The following KCNMB2 variants were observed in gnomAD, a reference collection of about 807,000 sequenced individuals.
The protein encoded by KCNMB2 is calcium-activated potassium channel subunit beta-2.
A neutral mutation model predicts 24.5 loss-of-function variants in KCNMB2; 9 were observed. The observed-to-expected ratio is 0.37, with a 90% CI of 0.22 to 0.64. KCNMB2 has a LOEUF of 0.64. Among genes scored for constraint, KCNMB2 ranks in the 30% least tolerant of loss-of-function variants. The pLI is 0.63. For synonymous variants in KCNMB2, 109 were observed against 104.4 expected (o/e 1.04, Z -0.27); for missense variants, 226 against 284.3 (o/e 0.79, Z 1.47).
At chr3:178,648,332 G>A (rs1719992510) in intron 1 of KCNMB2, among the ~76,000 whole-genome samples, 1 of 152,166 alleles carries the variant, frequency 6.6e-6, no homozygotes, top group Non-Finnish European at 1.5e-5. Flanking sequence ...GAGGCCAGTA[G>A]TTCAAGACCA....
At chr3:178,633,317 G>A (rs1028449143) in intron 1 of KCNMB2, among the ~76,000 whole-genome samples, 1 of 152,170 alleles carries the variant, frequency 6.6e-6, no homozygotes, top group Non-Finnish European at 1.5e-5. Context: ...TGCCCTCACG[G>A]AGGTTCTCCA....
intron 1 of KCNMB2, among the ~76,000 whole-genome samples, chr3:178,570,996 GA>G (rs1716758577): frequency 6.6e-6 from 1 of 152,178 alleles, no homozygotes; most frequent in Non-Finnish European, 1.5e-5. Context: ...GTTTTCCCAA[GA>G]AAGCAAGGCT....
chr3:178,819,391 C>T (rs1260005650), intron 2 of KCNMB2, among the ~76,000 whole-genome samples: 1 of 152,136 alleles, frequency 6.6e-6, no homozygotes, highest in Non-Finnish European at 1.5e-5. Flanking sequence ...TTCAGACTCA[C>T]TCCACTCCGT....
At chr3:178,543,590 ACT>A (rs1347431842) in intron 1 of KCNMB2, among the ~76,000 whole-genome samples, 1 of 152,124 alleles carries the variant, frequency 6.6e-6, no homozygotes, top group African/African-American at 2.4e-5. Context: ...CTATTGGGAA[ACT>A]CTCAAATCCT....
chr3:178,588,342 G>A (rs1475257417), intron 1 of KCNMB2, among the ~76,000 whole-genome samples: 1 of 152,146 alleles, frequency 6.6e-6, no homozygotes, highest in Non-Finnish European at 1.5e-5. Context: ...CATTCAACTA[G>A]TGGGAGATTA....
At chr3:178,694,379 A>G (rs934043434) in intron 1 of KCNMB2, among the ~76,000 whole-genome samples, 9 of 152,266 alleles carry the variant, frequency 5.9e-5, no homozygotes, top group Middle Eastern at 3.4e-3. Flanking sequence ...TCCTCTCCCA[A>G]TTCTCCTGTC....
At chr3:178,605,886 T>C (rs926181931) in intron 1 of KCNMB2, among the ~76,000 whole-genome samples, 2 of 152,138 alleles carry the variant, frequency 1.3e-5, no homozygotes, top group Non-Finnish European at 2.9e-5. Flanking sequence ...GACATAACAA[T>C]AGAATTGTTA....
intron 1 of KCNMB2, among the ~76,000 whole-genome samples, chr3:178,784,874 T>TAAA (rs67483966): frequency 2.4e-4 from 29 of 121,364 alleles, no homozygotes; most frequent in Non-Finnish European, 3.3e-4. Flanking sequence ...CCTGAAGCCT[T>TAAA]AAAAAAAAAA....
intron 1 of KCNMB2, among the ~76,000 whole-genome samples, chr3:178,712,397 TGGGGTTACG>T (rs1559984990): frequency 6.6e-6 from 1 of 152,148 alleles, no homozygotes; most frequent in Non-Finnish European, 1.5e-5. Context: ...TGAATAAGTG[TGGGGTTACG>T]TTGACTCGAC....
intron 1 of KCNMB2, among the ~76,000 whole-genome samples, chr3:178,638,867 C>A (rs1424807733): frequency 1.3e-5 from 2 of 152,148 alleles, no homozygotes; most frequent in Admixed American, 6.6e-5. Context: ...ATTAGTCAAT[C>A]ATTTCCTTAT....
intron 1 of KCNMB2, among the ~76,000 whole-genome samples, chr3:178,635,761 C>G (rs1184125661): frequency 6.6e-6 from 1 of 152,156 alleles, no homozygotes; most frequent in African/African-American, 2.4e-5. Flanking sequence ...TATATGGTGA[C>G]ATTTAAGAAT....
At chr3:178,591,736 T>G (rs975044529) in intron 1 of KCNMB2, among the ~76,000 whole-genome samples, 1 of 152,114 alleles carries the variant, frequency 6.6e-6, no homozygotes, top group African/African-American at 2.4e-5. Context: ...ACTTGAAGAC[T>G]CCAGCCCTTC....
intron 1 of KCNMB2, among the ~76,000 whole-genome samples, chr3:178,608,942 G>A (rs6780196): frequency 0.37 from 56,363 of 152,022 alleles, 13,430 homozygotes; most frequent in African/African-American, 0.68. Context: ...ACCATGCTGC[G>A]ACAAACACAG....
At chr3:178,721,513 G>T (rs1390561003) in intron 1 of KCNMB2, among the ~76,000 whole-genome samples, 3 of 152,174 alleles carry the variant, frequency 2.0e-5, no homozygotes, top group Non-Finnish European at 4.4e-5. Context: ...TATGGTGATT[G>T]TAAGTAATTT....
intron 2 of KCNMB2, among the ~76,000 whole-genome samples, chr3:178,819,606 A>C (rs1270144423): frequency 6.7e-6 from 1 of 149,958 alleles, no homozygotes; most frequent in Non-Finnish European, 1.5e-5. Context: ...TCAGTGGGCC[A>C]GACTTCGTGT....
In KCNMB2 at chr3:178,831,182, T is replaced by C. The variant is rs142640687; in HGVS notation, c.423+2809T>C. Among the ~76,000 whole-genome samples, 36 of 152,308 alleles carry C rather than the reference T, an allele frequency of 2.4e-4. No individual in the cohort carries two copies. In the East Asian group the frequency reaches 6.7e-3, roughly 29 times the overall value. On this transcript the variant is annotated intron_variant, in intron 4 of 4. Coordinates refer to ENST00000452583, the MANE Select transcript of KCNMB2 (RefSeq NM_181361.3). ...AGAGATCACACTTTTCCTCATTGAA[T>C]TATTTTTAGAATCTCATTTCTTCCT...
At chr3:178,563,989 T>C (rs191365815) in intron 1 of KCNMB2, among the ~76,000 whole-genome samples, 107 of 152,240 alleles carry the variant, frequency 7.0e-4, no homozygotes, top group Admixed American at 2.4e-3. Flanking sequence ...TTTTAAAACA[T>C]TGAGATTCTG....
intron 1 of KCNMB2, among the ~76,000 whole-genome samples, chr3:178,540,826 C>T (rs924241612): frequency 3.9e-5 from 6 of 152,314 alleles, no homozygotes; most frequent in Admixed American, 3.3e-4. Context: ...ATCCCCAGGA[C>T]ATTACATGCT....
chr3:178,778,413 A>G (rs1245438522), intron 1 of KCNMB2, among the ~76,000 whole-genome samples: 1 of 144,914 alleles, frequency 6.9e-6, no homozygotes, highest in East Asian at 2.1e-4. Context: ...CAGTCATGTG[A>G]GTCTAATGTC....
Sources: allele counts gnomAD v4.1 joint callset (sites outside exome capture counted in the v4.1 genomes callset), GRCh38; gene constraint gnomAD v4.1.1; transcripts MANE v1.5; gene names NCBI Gene and HGNC (gene_info 2026-07-23, HGNC 2026-07-21).